GGT5: variants seen among roughly 807,000 people sequenced by gnomAD.
GGT5 encodes the protein gamma-glutamyltransferase 5.
GGT5 carries 50 observed loss-of-function variants against 58.1 expected under a neutral mutation model. That is an observed-to-expected ratio of 0.86 (90% CI 0.69 to 1.09). The LOEUF (loss-of-function observed/expected upper bound fraction) is 1.09. Ranked by LOEUF, GGT5 falls within the 50% of genes least tolerant of loss-of-function variation. The pLI, the probability that GGT5 is intolerant of heterozygous loss-of-function variation, is 0.00. For missense variants in GGT5, 800 were observed against 789.4 expected (o/e 1.01, Z -0.16); for synonymous variants, 370 against 346.1 (o/e 1.07, Z -0.77).
intron 1 of GGT5, among the ~76,000 whole-genome samples, chr22:24,237,007 C>CTTTTTTTTTTTTTTTTTTTT (rs35060391): frequency 1.5e-5 from 2 of 131,118 alleles, no homozygotes; most frequent in East Asian, 4.4e-4. Context: ...TCTTTTCTCT[C>CTTTTTTTTTTTTTTTTTTTT]TTTTTTTTTT....
chr22:24,237,683 A>T (rs535423092), intron 1 of GGT5, among the ~76,000 whole-genome samples: 2,207 of 152,198 alleles, frequency 0.015, 36 homozygotes, highest in Non-Finnish European at 0.024. Flanking sequence ...CTGGGATTAC[A>T]AGCGTGAGCC....
intron 3 of GGT5, 91 bp from the exon 4 acceptor site, chr22:24,233,109 G>A: frequency 1.0e-6 from 1 of 967,650 alleles, no homozygotes; most frequent in South Asian, 1.9e-5. Context: ...AGTTACAGCA[G>A]CCAGAGTGAG....
chr22:24,222,232 C>T (rs544435396), intron 11 of GGT5, among the ~76,000 whole-genome samples: 3 of 152,104 alleles, frequency 2.0e-5, no homozygotes, highest in South Asian at 4.2e-4. Context: ...AACTAATGGC[C>T]CGAGAACCTC....
intron 1 of GGT5, among the ~76,000 whole-genome samples, chr22:24,238,322 G>A (rs750558969): frequency 1.3e-5 from 2 of 151,818 alleles, no homozygotes; most frequent in Non-Finnish European, 2.9e-5. Context: ...TTGAGGTCAG[G>A]AGTTTGAGAC....
Position 24,242,772 on chromosome 22 carries a change from C to T in GGT5, c.173+1781G>A, listed in dbSNP as rs117161650. 503 of 152,322 alleles carry T rather than the reference C, an allele frequency of 3.3e-3. 18 individuals are homozygous for T. The East Asian group carries it at 0.073, about 22-fold the overall frequency. 9.4% of individuals were successfully genotyped at this position (152,322 alleles called of 1,614,324 possible). A position where few individuals can be genotyped will look rare whatever the true frequency, so the allele number is the denominator to read the frequency against. Reference sequence around the variant, plus strand: ...AGGAGGGATCTTGGCCAGGATGACGCTGCAGCAGGCCTCTTCCTGAGGCCC... The same window carrying T: ...AGGAGGGATCTTGGCCAGGATGACGTTGCAGCAGGCCTCTTCCTGAGGCCC... On this transcript the variant is annotated intron_variant, in intron 1 of 11. Transcript: ENST00000327365.
Position 24,232,804 on chromosome 22 carries a change from G to A in GGT5, c.596+19C>T, listed in dbSNP as rs1334558084. 2.0e-6 allele frequency: 3 copies of A among 1,468,414 alleles called. No individual in the cohort carries two copies. Among genetic ancestry groups the A allele is most frequent in the African/African-American group, 2.8e-5 (2 of 70,784 alleles). The allele number at this position is 1,468,414 out of a possible 1,614,324, so 91.0% of individuals were successfully genotyped here. A position where few individuals can be genotyped will look rare whatever the true frequency, so the allele number is the denominator to read the frequency against. On this transcript the variant is annotated intron_variant, in intron 4 of 11. Coordinates refer to ENST00000327365, the MANE Select transcript of GGT5 (RefSeq NM_004121.5). Reference sequence around the variant, plus strand: ...ATGGCCTTGAACCCAGGAACCCAGGGCCACCATGTGGGGCTCACCGCAGGG... The same window carrying A: ...ATGGCCTTGAACCCAGGAACCCAGGACCACCATGTGGGGCTCACCGCAGGG...
Position 24,232,218 on chromosome 22 carries a change from G to T in GGT5, c.597-10C>A, listed in dbSNP as rs749117023. The T allele has an allele frequency of 2.6e-5, 38 of 1,436,272 alleles. No homozygotes were observed. The highest frequency in any genetic ancestry group is 3.1e-5 in the Non-Finnish European group (33 of 1,067,640). The allele number at this position is 1,436,272 out of a possible 1,614,324, so 89.0% of individuals were successfully genotyped here. On this transcript the variant is annotated splice_polypyrimidine_tract_variant and intron_variant, in intron 4 of 11. Transcript: ENST00000327365. ...GTTGAAGAAGAGCTGGCTGGGGGGT[G>T]GGGGGAGCCTCAGGGTGGGGCCAGG...
intron 6 of GGT5, among the ~76,000 whole-genome samples, chr22:24,230,857 CA>C (rs944159866): frequency 1.4e-4 from 21 of 152,308 alleles, no homozygotes; most frequent in African/African-American, 5.1e-4. Flanking sequence ...GCCCTGTGGA[CA>C]CCTAGATATC....
Position 24,244,888 on chromosome 22 carries a change from C to A in GGT5, c.-163G>T. The A allele has an allele frequency of 1.6e-6, 2 of 1,268,408 alleles. No individual in the cohort carries two copies. The highest frequency in any genetic ancestry group is 2.9e-5 in the Admixed American group (1 of 35,080). The allele number at this position is 1,268,408 out of a possible 1,614,324, so 78.6% of individuals were successfully genotyped here. On this transcript the variant is annotated 5_prime_UTR_variant, in exon 1 of 12. Coordinates refer to ENST00000327365, the MANE Select transcript of GGT5 (RefSeq NM_004121.5). ...ACACGAAGATGGATCGACAGATAGG[C>A]CAGATAGCTAGACAAAGAGGACAGT... is the stretch of plus-strand genomic sequence containing the variant.
chr22:24,233,127 G>C (rs2047998673), intron 3 of GGT5, 109 bp from the exon 4 acceptor site: 1 of 847,726 alleles, frequency 1.2e-6, no homozygotes, highest in Non-Finnish European at 1.7e-6. Flanking sequence ...GAGCTTTCTG[G>C]AGCCCACACC....
At chr22:24,238,814 T>TCC (rs2048197833) in intron 1 of GGT5, among the ~76,000 whole-genome samples, 1 of 4,118 alleles carries the variant, frequency 2.4e-4, no homozygotes, top group African/African-American at 1.1e-3. Context: ...TATAATATAT[T>TCC]ATATATATAT....
intron 11 of GGT5, chr22:24,220,586 T>C (rs774281346): frequency 2.2e-6 from 1 of 453,194 alleles, no homozygotes; most frequent in South Asian, 1.6e-5. Context: ...ATCCTGTTTC[T>C]AAAAAATAAA....
chr22:24,244,738 C>G lies in GGT5; in HGVS notation c.-13G>C. 1 of 1,597,940 alleles carries G rather than the reference C, an allele frequency of 6.3e-7. No homozygotes were observed. The highest frequency in any genetic ancestry group is 8.5e-7 in the Non-Finnish European group (1 of 1,170,894). On this transcript the variant is annotated 5_prime_UTR_variant, in exon 1 of 12. Transcript: ENST00000327365. The stretch of plus-strand genomic sequence containing the variant: ...AGCCCCGGGCCATGGCTCTGCAGCC[C>G]AGGAGGAGAGGGGCGGCTGGTGGGC...
At chr22:24,224,624 A>T (rs2047695428) in intron 11 of GGT5, among the ~76,000 whole-genome samples, 1 of 152,220 alleles carries the variant, frequency 6.6e-6, no homozygotes, top group African/African-American at 2.4e-5. Flanking sequence ...CTCTTTCACA[A>T]ATAAAGTTGC....
Position 24,231,368 on chromosome 22 carries a change from T to C in GGT5, c.901+16A>G. On this transcript the variant is annotated intron_variant, in intron 6 of 11. Transcript: ENST00000327365. ...GGGGAGGGGGTGGGCGCCAGGGCTC[T>C]GGGCAGGGGCTTTACCTCTTAGCAC... 3.3e-6 allele frequency: 5 copies of C among 1,535,514 alleles called. No homozygotes were observed. The highest frequency in any genetic ancestry group is 2.5e-5 in the East Asian group (1 of 40,756).
chr22:24,223,560 A>G (rs543358549), intron 11 of GGT5, among the ~76,000 whole-genome samples: 3 of 152,186 alleles, frequency 2.0e-5, no homozygotes, highest in Non-Finnish European at 4.4e-5. Context: ...TGCAAACTCC[A>G]AGAGTTTGAG....
chr22:24,221,477 T>C (rs1012746119), intron 11 of GGT5, among the ~76,000 whole-genome samples: 1 of 152,178 alleles, frequency 6.6e-6, no homozygotes, highest in Non-Finnish European at 1.5e-5. Flanking sequence ...GAAGAAAGCT[T>C]CAACTCCCTA....
chr22:24,243,200 C>G (rs933844466), intron 1 of GGT5: 16 of 152,164 alleles, frequency 1.1e-4, no homozygotes, highest in African/African-American at 3.9e-4. Context: ...TTTGCAACTT[C>G]GAGTTTAAGT....
At chr22:24,236,489 C>A (rs1209153557) in intron 1 of GGT5, among the ~76,000 whole-genome samples, 2 of 152,132 alleles carry the variant, frequency 1.3e-5, no homozygotes, top group Non-Finnish European at 2.9e-5. Flanking sequence ...TAAGGCCGGG[C>A]GCGGTGGCTC....
Sources: allele counts gnomAD v4.1 joint callset (sites outside exome capture counted in the v4.1 genomes callset), GRCh38; gene constraint gnomAD v4.1.1; transcripts MANE v1.5; gene names NCBI Gene and HGNC (gene_info 2026-07-23, HGNC 2026-07-21).